MORN1: variants seen among roughly 807,000 people sequenced by gnomAD.
MORN1 encodes the protein MORN repeat-containing protein 1.
In MORN1, 67 loss-of-function variants were observed where a neutral mutation model predicts 61.9. The ratio of observed to expected loss-of-function variants is 1.08; its 90% CI spans 0.89 to 1.33. The LOEUF is 1.33. Among genes scored for constraint, MORN1 ranks in the 40% most tolerant of loss-of-function variants. The pLI is 0.00. For missense variants in MORN1, 752 were observed against 691.2 expected, an observed-to-expected ratio of 1.09 and a Z score of -0.99; for synonymous variants, 301 against 292.0, an observed-to-expected ratio of 1.03 and a Z score of -0.31.
intron 12 of MORN1, among the ~76,000 whole-genome samples, chr1:2,324,780 G>C (rs566249575): frequency 6.6e-6 from 1 of 152,100 alleles, no homozygotes; most frequent in African/African-American, 2.4e-5. Flanking sequence ...TCTCTGGGGG[G>C]GCCCACCACC....
intron 13 of MORN1, 113 bp from the exon 14 acceptor site, chr1:2,321,692 G>T: frequency 2.3e-6 from 3 of 1,321,288 alleles, no homozygotes; most frequent in Non-Finnish European, 3.0e-6. Context: ...CCCCGACCCT[G>T]GTCATCTCTG....
chr1:2,367,295 C>T (rs1642016739), intron 8 of MORN1, among the ~76,000 whole-genome samples: 1 of 129,144 alleles, frequency 7.7e-6, no homozygotes, highest in Non-Finnish European at 1.6e-5. Flanking sequence ...CAAGATAATT[C>T]ATTGCTCTAT....
chr1:2,370,170 G>T (rs2840535), intron 8 of MORN1, among the ~76,000 whole-genome samples: 45,584 of 151,896 alleles, frequency 0.3, 7,592 homozygotes, highest in East Asian at 0.56. Flanking sequence ...TGGAGCAGAC[G>T]GGGGGTCCAG....
chr1:2,332,372 G>C (rs1227335314), intron 12 of MORN1: 2 of 345,380 alleles, frequency 5.8e-6, no homozygotes, highest in East Asian at 1.6e-4. Flanking sequence ...CCTGACTGTT[G>C]CTCACGGACT....
At chr1:2,390,236 C>A (rs555666365) in intron 1 of MORN1, among the ~76,000 whole-genome samples, 1 of 152,154 alleles carries the variant, frequency 6.6e-6, no homozygotes, top group Non-Finnish European at 1.5e-5. Context: ...AGAAGACAGG[C>A]CCAGTAAGAG....
chr1:2,325,579 T>G (rs72642145), intron 12 of MORN1, among the ~76,000 whole-genome samples: 26,143 of 150,678 alleles, frequency 0.17, 2,715 homozygotes, highest in South Asian at 0.24. Flanking sequence ...ACTCCTGGGC[T>G]CAGGAGAATC....
chr1:2,329,431 C>T (rs1218267760), intron 12 of MORN1, among the ~76,000 whole-genome samples: 2 of 152,216 alleles, frequency 1.3e-5, no homozygotes, highest in Admixed American at 6.5e-5. Flanking sequence ...ACCCGGTGCC[C>T]CCAGCTTCCC....
intron 10 of MORN1, chr1:2,352,003 C>A: frequency 1.9e-6 from 1 of 519,742 alleles, no homozygotes; most frequent in Non-Finnish European, 3.7e-6. Context: ...ATGAGACCCC[C>A]TCCACCAGGA....
chr1:2,344,138 G>A (rs1641459361), intron 10 of MORN1, among the ~76,000 whole-genome samples: 1 of 152,242 alleles, frequency 6.6e-6, no homozygotes, highest in Non-Finnish European at 1.5e-5. Context: ...ACAAAGCAGA[G>A]AATGTGAGTC....
chr1:2,382,849 C>T (rs1012850960), intron 6 of MORN1, among the ~76,000 whole-genome samples: 2 of 152,198 alleles, frequency 1.3e-5, no homozygotes, highest in Non-Finnish European at 2.9e-5. Flanking sequence ...GGTCAACTGC[C>T]CTGAGCAGGG....
rs954233675 is a variant in MORN1 at position 2,335,943 on chromosome 1, C to T, written c.1250+526G>A. Among the ~76,000 whole-genome samples, 16 of 151,906 alleles carry T rather than the reference C, an allele frequency of 1.1e-4. No homozygotes were observed. In the East Asian group the frequency reaches 2.5e-3, roughly 24 times the overall value. On this transcript the variant is annotated intron_variant, in intron 12 of 13. Coordinates refer to ENST00000378531, the MANE Select transcript of MORN1 (RefSeq NM_024848.3). Reference sequence around the variant, plus strand: ...AGCCCCAGCTTCCTCCTGGTAGAACCGGCCGGTTACGGCCCTGCATGTGCT... The same window carrying T: ...AGCCCCAGCTTCCTCCTGGTAGAACTGGCCGGTTACGGCCCTGCATGTGCT...
intron 1 of MORN1, 81 bp from the exon 2 acceptor site, chr1:2,390,077 G>T: frequency 1.5e-6 from 2 of 1,321,522 alleles, no homozygotes; most frequent in Non-Finnish European, 1.1e-6. Flanking sequence ...AGGGAGTGCA[G>T]CTCCCTTGAG....
At chr1:2,386,299 A>G (rs1352377288) in intron 4 of MORN1, 3 of 199,116 alleles carry the variant, frequency 1.5e-5, no homozygotes, top group African/African-American at 4.6e-5. Context: ...TCAAGTTCAC[A>G]GTGAGGAGGG....
chr1:2,354,767 C>T (rs541203165), intron 10 of MORN1, among the ~76,000 whole-genome samples: 2 of 152,304 alleles, frequency 1.3e-5, no homozygotes, highest in South Asian at 4.1e-4. Context: ...GAAACTGAGG[C>T]ACAGAGAGGT....
intron 10 of MORN1, among the ~76,000 whole-genome samples, chr1:2,342,543 G>A (rs756673736): frequency 5.9e-5 from 9 of 152,206 alleles, no homozygotes; most frequent in Non-Finnish European, 8.8e-5. Flanking sequence ...CGCAGGGTGG[G>A]GCCTGGAGAA....
At position 2,363,815 on chromosome 1, in the gene MORN1, T is replaced by A. The variant is rs1189374731; in HGVS notation, c.746-5100A>T. On this transcript the variant is annotated intron_variant, in intron 8 of 13. Coordinates refer to ENST00000378531, the MANE Select transcript of MORN1 (RefSeq NM_024848.3). ...AAACAAACAAACAAACAAAAAAATA[T>A]ATATATATATAAAAAAAATCAGAGA... Among the ~76,000 whole-genome samples the A allele has an allele frequency of 3.7e-3, 314 of 84,044 alleles. 2 individuals are homozygous for A. Among genetic ancestry groups the A allele is most frequent in the African/African-American group, 0.011 (256 of 23,696 alleles). The allele number at this position is 84,044 out of a possible 152,430, so 55.1% of individuals were successfully genotyped here.
intron 10 of MORN1, among the ~76,000 whole-genome samples, chr1:2,345,734 G>C (rs1641498270): frequency 1.3e-5 from 2 of 152,156 alleles, no homozygotes; most frequent in Non-Finnish European, 2.9e-5. Flanking sequence ...CAGGTGCCTG[G>C]GTGCCCATGC....
chr1:2,351,757 C>T (rs1310847701), intron 10 of MORN1: 2 of 556,926 alleles, frequency 3.6e-6, no homozygotes, highest in Non-Finnish European at 7.1e-6. Context: ...ATATGCTTGT[C>T]AAAAGCCTTG....
Position 2,355,477 on chromosome 1 carries a change from AC to A in MORN1, c.1036+1954del, listed in dbSNP as rs1368835554. ...AAGAGTGAGCTCCCTGCAAGCACAG[AC>A]CCCCGAGGCTCTGAGGCTCTGGGGC... On this transcript the variant is annotated intron_variant, in intron 10 of 13. Coordinates refer to ENST00000378531, the MANE Select transcript of MORN1 (RefSeq NM_024848.3). 4.5e-6 allele frequency: 7 copies of A among 1,550,058 alleles called. No homozygotes were observed. In the Admixed American group the frequency reaches 1.4e-4, roughly 30 times the overall value.
Sources: allele counts gnomAD v4.1 joint callset (sites outside exome capture counted in the v4.1 genomes callset), GRCh38; gene constraint gnomAD v4.1.1; transcripts MANE v1.5; gene names NCBI Gene and HGNC (gene_info 2026-07-23, HGNC 2026-07-21).